Variants in SGCD observed in about 807,000 individuals in gnomAD.
SGCD encodes delta-sarcoglycan.
In SGCD, 18 loss-of-function variants were observed where a neutral mutation model predicts 36.6. The ratio of observed to expected loss-of-function variants is 0.49; its 90% CI spans 0.34 to 0.73. The LOEUF is 0.73. Among genes scored for constraint, SGCD ranks in the 30% least tolerant of loss-of-function variants. The probability of loss-of-function intolerance (pLI) is 0.01; values close to 1 mark genes in which losing one functional copy is unlikely to be tolerated. For synonymous variants in SGCD, 133 were observed against 130.6 expected, an observed-to-expected ratio of 1.02 and a Z score of -0.12; for missense variants, 387 against 346.7, an observed-to-expected ratio of 1.12 and a Z score of -0.92.
intron 3 of SGCD, among the ~76,000 whole-genome samples, chr5:156,487,960 T>TTATATATATATA (rs55795142): frequency 4.4e-5 from 6 of 136,708 alleles, no homozygotes; most frequent in African/African-American, 1.3e-4. Flanking sequence ...GTAACATATA[T>TTATATATATATA]TATATATATA....
At chr5:155,861,547 G>A in the SGCD span, among the ~76,000 whole-genome samples, 3 of 152,014 alleles carry the variant, frequency 2.0e-5, no homozygotes, top group South Asian at 2.1e-4. Context: ...GTGAAACCCC[G>A]TCTCAACTAA....
chr5:156,728,843 A>G (rs983205469), intron 7 of SGCD, among the ~76,000 whole-genome samples: 2 of 152,184 alleles, frequency 1.3e-5, no homozygotes, highest in Non-Finnish European at 2.9e-5. Flanking sequence ...GAGTTGCACC[A>G]TAACTGATGA....
intron 1 of SGCD, among the ~76,000 whole-genome samples, chr5:156,103,199 TAG>T: frequency 6.6e-6 from 1 of 152,258 alleles, no homozygotes; most frequent in East Asian, 1.9e-4. Flanking sequence ...TCAGAATAAT[TAG>T]AAGAGTTGGA....
the SGCD span, among the ~76,000 whole-genome samples, chr5:155,799,630 A>T: frequency 6.6e-6 from 1 of 151,784 alleles, no homozygotes; most frequent in Middle Eastern, 3.4e-3. Flanking sequence ...TCCTGACTTC[A>T]AGTGGTCTGC....
chr5:156,554,585 A>G (rs1439329443), intron 4 of SGCD, among the ~76,000 whole-genome samples: 2 of 149,654 alleles, frequency 1.3e-5, no homozygotes, highest in East Asian at 3.9e-4. Context: ...AAGTATGCAT[A>G]TGTGTATATA....
intron 3 of SGCD, among the ~76,000 whole-genome samples, chr5:156,291,500 TATC>T (rs1766756030): frequency 6.6e-6 from 1 of 152,154 alleles, no homozygotes. Flanking sequence ...CAGACAGTTT[TATC>T]AACCGTTAGT....
chr5:156,555,409 T>C (rs1464534746), intron 4 of SGCD, among the ~76,000 whole-genome samples: 1 of 152,152 alleles, frequency 6.6e-6, no homozygotes, highest in Non-Finnish European at 1.5e-5. Flanking sequence ...TGTTGTTAGG[T>C]AGAGGGCCGT....
chr5:156,667,465 T>A (rs1333750412), intron 7 of SGCD, among the ~76,000 whole-genome samples: 1 of 152,176 alleles, frequency 6.6e-6, no homozygotes, highest in Admixed American at 6.5e-5. Context: ...GTACTTAAAG[T>A]TTTTAGCTTT....
chr5:155,858,866 G>A, the SGCD span, among the ~76,000 whole-genome samples: 4 of 151,760 alleles, frequency 2.6e-5, no homozygotes, highest in Non-Finnish European at 5.9e-5. Context: ...GCACATTAAA[G>A]TTTGAGAAAT....
chr5:156,206,328 T>A (rs561612132), intron 3 of SGCD, among the ~76,000 whole-genome samples: 2 of 152,040 alleles, frequency 1.3e-5, no homozygotes, highest in African/African-American at 4.8e-5. Flanking sequence ...CATGAATAAG[T>A]GCACATGTTG....
chr5:155,933,201 C>G (rs1757132216), intron 1 of SGCD, among the ~76,000 whole-genome samples: 1 of 152,152 alleles, frequency 6.6e-6, no homozygotes, highest in Non-Finnish European at 1.5e-5. Context: ...TCAAAAACGT[C>G]TAGCTCAGTT....
chr5:156,512,607 T>A (rs1165867201), intron 4 of SGCD, among the ~76,000 whole-genome samples: 1 of 152,228 alleles, frequency 6.6e-6, no homozygotes, highest in African/African-American at 2.4e-5. Flanking sequence ...GTATATCTTA[T>A]ATTTAAAATT....
intron 3 of SGCD, among the ~76,000 whole-genome samples, chr5:156,141,112 G>T (rs1259101017): frequency 6.6e-6 from 1 of 152,180 alleles, no homozygotes; most frequent in Non-Finnish European, 1.5e-5. Context: ...TGTTCATGTG[G>T]TGCCAATTCT....
the SGCD span, among the ~76,000 whole-genome samples, chr5:155,747,942 A>G: frequency 1.3e-5 from 2 of 152,176 alleles, no homozygotes; most frequent in African/African-American, 4.8e-5. Flanking sequence ...TGCTAGGATA[A>G]CATTTCAGAA....
chr5:156,047,064 G>A (rs1759783536), intron 1 of SGCD, among the ~76,000 whole-genome samples: 1 of 152,122 alleles, frequency 6.6e-6, no homozygotes. Flanking sequence ...GGTCAAACCA[G>A]CCACAACATT....
chr5:155,991,507 C>T (rs1758431947), intron 1 of SGCD, among the ~76,000 whole-genome samples: 1 of 152,122 alleles, frequency 6.6e-6, no homozygotes, highest in Admixed American at 6.5e-5. Context: ...TGCTATTTCA[C>T]AGATATAACT....
At chr5:156,210,497 A>G (rs1344719508) in intron 3 of SGCD, among the ~76,000 whole-genome samples, 2 of 152,164 alleles carry the variant, frequency 1.3e-5, no homozygotes, top group Non-Finnish European at 2.9e-5. Flanking sequence ...CCCAACAAAG[A>G]ATTCAAAATA....
At chr5:156,461,408 TGAG>T (rs757865558) in intron 3 of SGCD, among the ~76,000 whole-genome samples, 9 of 151,918 alleles carry the variant, frequency 5.9e-5, no homozygotes, top group East Asian at 1.9e-4. Context: ...AGAAAGAAAA[TGAG>T]GAGAACTTTA....
At chr5:155,783,248 A>G in the SGCD span, among the ~76,000 whole-genome samples, 21 of 152,224 alleles carry the variant, frequency 1.4e-4, no homozygotes, top group Non-Finnish European at 1.5e-5. Flanking sequence ...CACTTCATAC[A>G]CTATTAAAGC....
Sources: gnomAD v4.1 joint callset for allele counts (sites outside exome capture counted in the v4.1 genomes callset) on GRCh38, gnomAD v4.1.1 for gene constraint, MANE v1.5 for transcripts, NCBI Gene and HGNC (gene_info 2026-07-23, HGNC 2026-07-21) for gene names.